Variants in MMACHC observed in about 807,000 individuals in gnomAD.
MMACHC encodes cyanocobalamin reductase / alkylcobalamin dealkylase.
MMACHC carries 14 observed loss-of-function variants against 17.6 expected under a neutral mutation model. The ratio of observed to expected loss-of-function variants is 0.80; its 90% CI spans 0.53 to 1.25. The LOEUF is 1.25. Ranked by LOEUF, MMACHC falls within the 50% of genes most tolerant of loss-of-function variation. MMACHC has a pLI of 0.00. For missense variants in MMACHC, 392 were observed against 364.5 expected, an observed-to-expected ratio of 1.08 and a Z score of -0.62; for synonymous variants, 151 against 142.1, an observed-to-expected ratio of 1.06 and a Z score of -0.45.
chr1:45,501,053 G>C (rs1284077465), intron 1 of MMACHC, among the ~76,000 whole-genome samples: 2 of 152,232 alleles, frequency 1.3e-5, no homozygotes, highest in East Asian at 3.9e-4. Flanking sequence ...GGATTTAGGA[G>C]AGGGCAAAGC....
In MMACHC at chr1:45,502,886, T is replaced by A. The variant is rs941373374; in HGVS notation, c.81+2473T>A. On this transcript the variant is annotated intron_variant, in intron 1 of 3. Coordinates refer to ENST00000401061, the MANE Select transcript of MMACHC (RefSeq NM_015506.3). The stretch of plus-strand genomic sequence containing the variant: ...TACCCGGCTAATTTTGTATTTTTTT[T>A]AGTAGAGACAGTTTCTCCATGTTGG... 2.0e-5 allele frequency among the ~76,000 whole-genome samples: 3 copies of A among 152,114 alleles called. No homozygotes were observed. In the South Asian group the frequency reaches 6.2e-4, roughly 32 times the overall value.
rs201519580 is a variant in MMACHC at position 45,511,301 on chromosome 1, G to T, written c.*2086G>T. The T allele has an allele frequency of 1.9e-6, 3 of 1,549,054 alleles. No individual in the cohort carries two copies. The highest frequency in any genetic ancestry group is 2.6e-6 in the Non-Finnish European group (3 of 1,138,828). On this transcript the variant is annotated 3_prime_UTR_variant, in exon 4 of 4. Transcript: ENST00000401061. ...GGTTTTGTTCTCATGGCTGCCCACC[G>T]CAGCCTGGCACTAAAACAGCCCAGC...
rs1004923906 is a variant in MMACHC at position 45,512,234 on chromosome 1, C to G, written c.*3019C>G. On this transcript the variant is annotated 3_prime_UTR_variant, in exon 4 of 4. Coordinates refer to ENST00000401061, the MANE Select transcript of MMACHC (RefSeq NM_015506.3). The stretch of plus-strand genomic sequence containing the variant: ...CCAAATAGCTAGGATTACAGGCGCC[C>G]ACCACCACACCTGGCTAATTTTTGA... 2 of 151,140 alleles carry G rather than the reference C, an allele frequency of 1.3e-5. No homozygotes were observed. The highest frequency in any genetic ancestry group is 2.4e-5 in the African/African-American group (1 of 41,308). The allele number at this position is 151,140 out of a possible 1,614,324, so 9.4% of individuals were successfully genotyped here.
At chr1:45,506,399 TC>T (rs1643620404) in intron 1 of MMACHC, among the ~76,000 whole-genome samples, 6 of 152,208 alleles carry the variant, frequency 3.9e-5, no homozygotes, top group Admixed American at 3.9e-4. Context: ...CTTTGACTGT[TC>T]CTATGCCCTC....
chr1:45,503,839 C>T (rs376936660), intron 1 of MMACHC, among the ~76,000 whole-genome samples: 3 of 152,118 alleles, frequency 2.0e-5, no homozygotes, highest in Admixed American at 6.5e-5. Flanking sequence ...TAAGTGATGC[C>T]GGTATATACA....
intron 1 of MMACHC, among the ~76,000 whole-genome samples, chr1:45,504,014 G>A (rs941029568): frequency 2.0e-5 from 3 of 152,168 alleles, no homozygotes; most frequent in African/African-American, 7.2e-5. Flanking sequence ...CCAATTTCTT[G>A]GATGTCCAGG....
In MMACHC at chr1:45,511,022, A is replaced by G. The variant is rs1261068186; in HGVS notation, c.*1807A>G. 1 of 228,146 alleles carries G rather than the reference A, an allele frequency of 4.4e-6. No individual in the cohort carries two copies. The highest frequency in any genetic ancestry group is 2.3e-5 in the African/African-American group (1 of 44,270). The allele number at this position is 228,146 out of a possible 1,614,324, so 14.1% of individuals were successfully genotyped here. On this transcript the variant is annotated 3_prime_UTR_variant, in exon 4 of 4. Coordinates refer to ENST00000401061, the MANE Select transcript of MMACHC (RefSeq NM_015506.3). Reference sequence around the variant, plus strand: ...CCTCTTAAAATCAAAAGCTAATAATATGCTTCCTAAAATAAAGACTCATCA... The same window carrying G: ...CCTCTTAAAATCAAAAGCTAATAATGTGCTTCCTAAAATAAAGACTCATCA...
Position 45,509,243 on chromosome 1 carries a change from G to A in MMACHC, c.*28G>A. ...TTCTCCCATGTGGACCCTGATTTATGGTGGTACTTGCTAGGACTTAATTGG... is the reference window on the plus strand; with the variant it reads ...TTCTCCCATGTGGACCCTGATTTATAGTGGTACTTGCTAGGACTTAATTGG... On this transcript the variant is annotated 3_prime_UTR_variant, in exon 4 of 4. Transcript: ENST00000401061. The A allele has an allele frequency of 6.2e-7, 1 of 1,613,594 alleles. No homozygotes were observed. The highest frequency in any genetic ancestry group is 8.5e-7 in the Non-Finnish European group (1 of 1,179,824).
intron 1 of MMACHC, among the ~76,000 whole-genome samples, chr1:45,500,865 CAAAAA>C (rs11374269): frequency 0.018 from 1,558 of 86,342 alleles, 26 homozygotes; most frequent in African/African-American, 0.058. Flanking sequence ...AACTCCGTGT[CAAAAA>C]AAAAAAAAAA....
rs1480648452 is a variant in MMACHC, at chr1:45,509,436, C to CA, written c.*222dup. On this transcript the variant is annotated 3_prime_UTR_variant, in exon 4 of 4. Coordinates refer to ENST00000401061, the MANE Select transcript of MMACHC (RefSeq NM_015506.3). ...AATGAGTTTTTTTTTTTTTTTTAGA[C>CA]AGAGTCTTACTCTGTCACCTAGGCT... 3.8e-5 allele frequency: 11 copies of CA among 288,938 alleles called. No individual in the cohort carries two copies. Among genetic ancestry groups the CA allele is most frequent in the Non-Finnish European group, 6.1e-5 (11 of 179,656 alleles). 17.9% of individuals were successfully genotyped at this position (288,938 alleles called of 1,614,324 possible).
Position 45,508,320 on chromosome 1 carries a change from T to C in MMACHC, c.385T>C (p.Tyr129His), listed in dbSNP as rs755220262. The C allele has an allele frequency of 3.7e-6, 6 of 1,614,080 alleles. No homozygotes were observed. The Admixed American group carries it at 8.3e-5, about 22-fold the overall frequency. The change falls in exon 3 of 4, where the codon TAC (tyrosine) becomes CAC (histidine). Residue 129 changes from tyrosine (Y) to histidine (H), a missense_variant. Tyr to His is a moderately conservative substitution (Grantham distance 83). Transcript: ENST00000401061. ...TAAHVAGAAY[Y>H]YQRQDVEADP... Reference sequence around the variant, plus strand: ...AGCCCATGTAGCTGGGGCTGCTTACTACTACCAACGACAAGATGTGGAGGC... The same window carrying C: ...AGCCCATGTAGCTGGGGCTGCTTACCACTACCAACGACAAGATGTGGAGGC...
chr1:45,511,573 A>G lies in MMACHC; in HGVS notation c.*2358A>G, dbSNP rs1643746786. The G allele has an allele frequency of 8.5e-6, 4 of 468,704 alleles. No individual in the cohort carries two copies. In the East Asian group the frequency reaches 1.3e-4, roughly 15 times the overall value. The allele number at this position is 468,704 out of a possible 1,614,324, so 29.0% of individuals were successfully genotyped here. On this transcript the variant is annotated 3_prime_UTR_variant, in exon 4 of 4. Coordinates refer to ENST00000401061, the MANE Select transcript of MMACHC (RefSeq NM_015506.3). ...TTCACCCTTTTAGTATGAGCTAACC[A>G]TTTTACAAACATATAATCATCACCA...
intron 1 of MMACHC, 90 bp from the exon 2 acceptor site, chr1:45,507,266 G>A (rs1266680718): frequency 3.2e-6 from 4 of 1,251,664 alleles, no homozygotes; most frequent in African/African-American, 1.5e-5. Context: ...TGGAGGCTGG[G>A]GCAAAAGTGT....
rs1643689203 is a variant in MMACHC, at chr1:45,509,150, A to G, written c.784A>G (p.Asn262Asp). ...CACACCCGCCCCCAAGAAGCCTGGG[A>G]ATCCCAGCAGAGCCCGGAGCTGGCT... is the stretch of plus-strand genomic sequence containing the variant. ...FTTPAPKKPG[N>D]PSRARSWLSP... Residue 262 changes from asparagine to aspartate, a missense_variant, in exon 4 of 4, where the codon AAT (asparagine) becomes GAT (aspartate). Asn to Asp is a conservative substitution (Grantham distance 23). Transcript: ENST00000401061. 2 of 1,613,312 alleles carry G rather than the reference A, an allele frequency of 1.2e-6. No homozygotes were observed. Among genetic ancestry groups the G allele is most frequent in the African/African-American group, 1.3e-5 (1 of 74,922 alleles).
chr1:45,507,560 G>C lies in MMACHC; in HGVS notation c.276+10G>C. 1 of 1,614,074 alleles carries C rather than the reference G, an allele frequency of 6.2e-7. No homozygotes were observed. The highest frequency in any genetic ancestry group is 8.5e-7 in the Non-Finnish European group (1 of 1,179,994). ...GGGCCGTGTTAGAGAGGTGAGGAAG[G>C]CTCAGTTTTCCCCCAGCTCCCAAAC... On this transcript the variant is annotated intron_variant, in intron 2 of 3. Transcript: ENST00000401061.
chr1:45,511,760 A>C lies in MMACHC; in HGVS notation c.*2545A>C, dbSNP rs1476236041. ...ACACATAGGACTATGTAAACCCTTA[A>C]CACTAAACTGTTTCTGACAGCCCTT... On this transcript the variant is annotated 3_prime_UTR_variant, in exon 4 of 4. Transcript: ENST00000401061. The C allele has an allele frequency of 1.2e-5, 2 of 169,154 alleles. No homozygotes were observed. Among genetic ancestry groups the C allele is most frequent in the African/African-American group, 4.8e-5 (2 of 42,104 alleles). The allele number at this position is 169,154 out of a possible 1,614,324, so 10.5% of individuals were successfully genotyped here.
intron 1 of MMACHC, among the ~76,000 whole-genome samples, chr1:45,500,756 C>T (rs1308017005): frequency 3.3e-5 from 5 of 149,262 alleles, no homozygotes; most frequent in African/African-American, 9.9e-5. Context: ...CCCAGCTACT[C>T]GGGAGGCTGA....
chr1:45,508,608 A>G (rs1286665844), intron 3 of MMACHC, among the ~76,000 whole-genome samples, 188 bp from the exon 4 acceptor site: 1 of 152,208 alleles, frequency 6.6e-6, no homozygotes, highest in Non-Finnish European at 1.5e-5. Context: ...ACTAGTGGTG[A>G]GACTAGGAAG....
In MMACHC at chr1:45,504,330, C is replaced by T. The variant is rs540485165; in HGVS notation, c.82-3026C>T. On this transcript the variant is annotated intron_variant, in intron 1 of 3. Coordinates refer to ENST00000401061, the MANE Select transcript of MMACHC (RefSeq NM_015506.3). ...CCTCGGGAGGCTGAGGCAGGAGAAT[C>T]ACTTGAACCCAGGAGGCAGAGGTTG... is the stretch of plus-strand genomic sequence containing the variant. Among the ~76,000 whole-genome samples, 3 of 152,208 alleles carry T rather than the reference C, an allele frequency of 2.0e-5. No homozygotes were observed. The South Asian group carries it at 6.2e-4, about 32-fold the overall frequency.
Sources: allele counts gnomAD v4.1 joint callset (sites outside exome capture counted in the v4.1 genomes callset), GRCh38; gene constraint gnomAD v4.1.1; transcripts MANE v1.5; gene names NCBI Gene and HGNC (gene_info 2026-07-23, HGNC 2026-07-21).